NTAQ1: variants seen among roughly 807,000 people sequenced by gnomAD.
NTAQ1 encodes protein N-terminal glutamine amidohydrolase.
In NTAQ1, 21 loss-of-function variants were observed where a neutral mutation model predicts 28.2. The ratio of observed to expected loss-of-function variants is 0.74; its 90% CI spans 0.53 to 1.07. The LOEUF (loss-of-function observed/expected upper bound fraction) is 1.07. Among genes scored for constraint, NTAQ1 ranks in the 50% least tolerant of loss-of-function variants. The pLI is 0.00. For synonymous variants in NTAQ1, 105 were observed against 90.0 expected, an observed-to-expected ratio of 1.17 and a Z score of -0.94; for missense variants, 264 against 256.6, an observed-to-expected ratio of 1.03 and a Z score of -0.20.
At chr8:123,440,716 T>G (rs914788449) in intron 5 of NTAQ1, among the ~76,000 whole-genome samples, 12 of 151,782 alleles carry the variant, frequency 7.9e-5, no homozygotes, top group Admixed American at 4.6e-4. Context: ...GCCAGGCTGT[T>G]CTCTTAACTT....
At chr8:123,439,558 G>T (rs1196834098) in intron 5 of NTAQ1, among the ~76,000 whole-genome samples, 6 of 151,976 alleles carry the variant, frequency 3.9e-5, no homozygotes, top group African/African-American at 9.7e-5. Context: ...GTGTTAGCCA[G>T]GATGGTCTCG....
At chr8:123,467,534 T>C (rs1815986032) in exon 7 of NTAQ1, among the ~76,000 whole-genome samples, 1 of 152,242 alleles carries the variant, frequency 6.6e-6, no homozygotes, top group Non-Finnish European at 1.5e-5. Flanking sequence ...TTTATCAATG[T>C]CTTTAAGCTT....
rs1250703993 is a variant in NTAQ1, at chr8:123,427,997, G to C, written c.157G>C (p.Val53Leu). ...DQYPLEECYA[V>L]FISNERKMIP... ...GTATCCTTTAGAAGAATGTTATGCT[G>C]TCTTCATATCTAATGAGAGGAAGAT... The change falls in exon 2 of 6, where the codon GTC (valine) becomes CTC (leucine). Residue 53 changes from valine to leucine, a missense_variant. Transcript: ENST00000287387. The C allele has an allele frequency of 1.9e-6, 3 of 1,610,168 alleles. No individual in the cohort carries two copies. The East Asian group carries it at 6.7e-5, about 36-fold the overall frequency.
At chr8:123,470,503 G>T (rs569380421), downstream of NTAQ1, among the ~76,000 whole-genome samples, 1 of 152,344 alleles carries the variant, frequency 6.6e-6, no homozygotes, top group East Asian at 1.9e-4. Flanking sequence ...ATAGTGGAGT[G>T]TGTAAGTGGA....
At chr8:123,435,127 G>C (rs1021145431) in intron 3 of NTAQ1, among the ~76,000 whole-genome samples, 1 of 152,154 alleles carries the variant, frequency 6.6e-6, no homozygotes, top group African/African-American at 2.4e-5. Flanking sequence ...TGATTTCACA[G>C]TGCTGTTCTC....
intron 6 of NTAQ1, among the ~76,000 whole-genome samples, chr8:123,465,103 T>A (rs1468502530): frequency 6.6e-6 from 1 of 152,128 alleles, no homozygotes; most frequent in East Asian, 1.9e-4. Flanking sequence ...TAAAACCCTT[T>A]TATTTTGAAC....
downstream of NTAQ1, among the ~76,000 whole-genome samples, chr8:123,474,934 C>T (rs1288397620): frequency 1.3e-5 from 2 of 152,166 alleles, no homozygotes; most frequent in Non-Finnish European, 2.9e-5. Context: ...GTTTCTTGTA[C>T]CTTCACCCAC....
intron 3 of NTAQ1, among the ~76,000 whole-genome samples, chr8:123,430,290 C>T (rs1465782094): frequency 1.3e-5 from 2 of 152,100 alleles, no homozygotes; most frequent in African/African-American, 4.8e-5. Context: ...TAGACTCTTA[C>T]CATTTAGCAC....
At chr8:123,437,153 G>A in intron 4 of NTAQ1, 57 bp from the exon 5 acceptor site, 1 of 1,598,222 alleles carries the variant, frequency 6.3e-7, no homozygotes, top group East Asian at 2.2e-5. Flanking sequence ...TAAAAATGGA[G>A]TTAGAATTTC....
At chr8:123,444,409 A>G (rs1045872744), downstream of NTAQ1, among the ~76,000 whole-genome samples, 3 of 152,230 alleles carry the variant, frequency 2.0e-5, no homozygotes, top group African/African-American at 7.2e-5. Flanking sequence ...CATGTTGGCC[A>G]GGCTAGTCTC....
chr8:123,432,815 G>A (rs1216398672), intron 3 of NTAQ1, among the ~76,000 whole-genome samples: 1 of 151,794 alleles, frequency 6.6e-6, no homozygotes, highest in Non-Finnish European at 1.5e-5. Context: ...CGAGTAGCTG[G>A]AATTACAGGC....
At chr8:123,438,672 C>CA (rs11411907) in intron 5 of NTAQ1, among the ~76,000 whole-genome samples, 90,375 of 132,346 alleles carry the variant, frequency 0.68, 30,027 homozygotes, top group East Asian at 0.92. Flanking sequence ...GATTCCATCT[C>CA]AAAAAAAAAA....
chr8:123,432,687 A>AT (rs113304588), intron 3 of NTAQ1, among the ~76,000 whole-genome samples: 145,283 of 146,776 alleles, frequency 0.99, 71,914 homozygotes, highest in East Asian at 1. Context: ...TTATTTATGT[A>AT]TTTTTTTTTT....
downstream of NTAQ1, among the ~76,000 whole-genome samples, chr8:123,448,614 C>T (rs921115258): frequency 7.2e-5 from 11 of 152,062 alleles, no homozygotes; most frequent in Admixed American, 5.2e-4. Context: ...AGTGAGACTC[C>T]GTCGAAAAAG....
chr8:123,423,982 A>T (rs1008614789), intron 1 of NTAQ1, among the ~76,000 whole-genome samples: 2 of 151,582 alleles, frequency 1.3e-5, no homozygotes, highest in African/African-American at 2.4e-5. Context: ...TCTCGGGTTC[A>T]AGTGAGTCTT....
chr8:123,455,872 A>G (rs1386835714), intron 6 of NTAQ1, among the ~76,000 whole-genome samples: 3 of 152,166 alleles, frequency 2.0e-5, no homozygotes, highest in African/African-American at 4.8e-5. Context: ...AAGTGGGTAA[A>G]CTTTAGCACC....
At chr8:123,446,366 A>G (rs1815285921), downstream of NTAQ1, among the ~76,000 whole-genome samples, 1 of 152,208 alleles carries the variant, frequency 6.6e-6, no homozygotes, top group Non-Finnish European at 1.5e-5. Flanking sequence ...GCCAAACAGT[A>G]AATGTTAGAC....
downstream of NTAQ1, among the ~76,000 whole-genome samples, chr8:123,472,122 G>T (rs898542149): frequency 6.6e-6 from 1 of 152,150 alleles, no homozygotes; most frequent in African/African-American, 2.4e-5. Flanking sequence ...TAGGGTTGCT[G>T]GCAGCTGGGC....
chr8:123,424,787 G>A (rs1018708687), intron 1 of NTAQ1, among the ~76,000 whole-genome samples: 7 of 152,114 alleles, frequency 4.6e-5, no homozygotes, highest in African/African-American at 7.2e-5. Flanking sequence ...ATATCCCTCC[G>A]AATTAATGAC....
Sources: gnomAD v4.1 joint callset for allele counts (sites outside exome capture counted in the v4.1 genomes callset) on GRCh38, gnomAD v4.1.1 for gene constraint, MANE v1.5 for transcripts, NCBI Gene and HGNC (gene_info 2026-07-23, HGNC 2026-07-21) for gene names.